PRDM2: variants seen among roughly 807,000 people sequenced by gnomAD.
PRDM2 encodes PR/SET domain 2.
A neutral mutation model predicts 130.0 loss-of-function variants in PRDM2; 30 were observed. The observed-to-expected ratio is 0.23, with a 90% CI of 0.17 to 0.31. The LOEUF (loss-of-function observed/expected upper bound fraction) is 0.31, where lower values mean the gene tolerates loss of function less well. Among genes scored for constraint, PRDM2 ranks in the 10% least tolerant of loss-of-function variants. The probability of loss-of-function intolerance (pLI) is 1.00; values close to 1 mark genes in which losing one functional copy is unlikely to be tolerated. For synonymous variants in PRDM2, 871 were observed against 782.4 expected, an observed-to-expected ratio of 1.11 and a Z score of -1.89; for missense variants, 2,011 against 2,108.4, an observed-to-expected ratio of 0.95 and a Z score of 0.90.
At chr1:13,745,208 C>T (rs1005793665) in intron 5 of PRDM2, among the ~76,000 whole-genome samples, 2 of 151,964 alleles carry the variant, frequency 1.3e-5, no homozygotes, top group Non-Finnish European at 2.9e-5. Context: ...TTTCTGGTAG[C>T]GATCAGTGTG....
chr1:13,799,080 A>C (rs1644966644), intron 8 of PRDM2, among the ~76,000 whole-genome samples: 1 of 152,192 alleles, frequency 6.6e-6, no homozygotes, highest in East Asian at 1.9e-4. Context: ...AGGCAAACAC[A>C]GAGGTCTCCG....
intron 6 of PRDM2, among the ~76,000 whole-genome samples, chr1:13,756,401 C>T (rs1643954724): frequency 6.6e-6 from 1 of 152,054 alleles, no homozygotes. Context: ...TGGCATGGTA[C>T]TTTGTTGGCA....
At chr1:13,743,364 C>T (rs1261159316) in intron 5 of PRDM2, among the ~76,000 whole-genome samples, 2 of 136,406 alleles carry the variant, frequency 1.5e-5, no homozygotes, top group Non-Finnish European at 3.0e-5. Flanking sequence ...CACACCACTG[C>T]ACTCCAGCCT....
rs994812649 is a variant in PRDM2 at position 13,803,863 on chromosome 1, C to G, written c.5037-12564C>G. On this transcript the variant is annotated intron_variant, in intron 8 of 9. Transcript: ENST00000311066. This position sits in a 1 kb window ranked among gnomAD's most constrained non-coding sequence, Gnocchi z 6.2. ...TCATGGCCTCTGAGGACCTCAGAACCTGGCTTAGAAGCTCCACAAAGCAGG... is the reference window on the plus strand; with the variant it reads ...TCATGGCCTCTGAGGACCTCAGAACGTGGCTTAGAAGCTCCACAAAGCAGG... Among the ~76,000 whole-genome samples, 1 of 152,144 alleles carries G rather than the reference C, an allele frequency of 6.6e-6. No individual in the cohort carries two copies. Among genetic ancestry groups the G allele is most frequent in the African/African-American group, 2.4e-5 (1 of 41,436 alleles).
At chr1:13,804,877 C>G (rs993848051) in intron 8 of PRDM2, among the ~76,000 whole-genome samples, 3 of 152,160 alleles carry the variant, frequency 2.0e-5, no homozygotes, top group African/African-American at 7.2e-5. Flanking sequence ...AATGCAGCTG[C>G]TCTATGGGCA....
At position 13,781,878 on chromosome 1, in the gene PRDM2, G is replaced by A. The variant is rs998965728; in HGVS notation, c.4083G>A (p.Lys1361=). 1.2e-6 allele frequency: 2 copies of A among 1,614,180 alleles called. No homozygotes were observed. The highest frequency in any genetic ancestry group is 2.7e-5 in the African/African-American group (2 of 75,036). ...HILACASASD[K]KRYTPKKNPV... Reference sequence around the variant, plus strand: ...TGGCTTGTGCTTCTGCAAGTGACAAGAAGAGGTACACGCCTAAGAAAAACC... The same window carrying A: ...TGGCTTGTGCTTCTGCAAGTGACAAAAAGAGGTACACGCCTAAGAAAAACC... The change falls in exon 8 of 10, where the codon AAG becomes AAA. Residue 1361 remains lysine (K), a synonymous_variant. Coordinates refer to ENST00000311066, the MANE Select transcript of PRDM2 (RefSeq NM_001393986.1). The surrounding 1 kb of genome is among the most constrained non-coding windows in gnomAD (Gnocchi z 6.1).
intron 6 of PRDM2, among the ~76,000 whole-genome samples, chr1:13,758,722 T>G (rs1290725661): frequency 6.6e-6 from 1 of 152,244 alleles, no homozygotes; most frequent in African/African-American, 2.4e-5. Flanking sequence ...TGTAGCTGCT[T>G]GCTATTCCTG....
chr1:13,767,679 T>TA (rs1644260874), intron 6 of PRDM2, among the ~76,000 whole-genome samples: 1 of 152,028 alleles, frequency 6.6e-6, no homozygotes, highest in African/African-American at 2.4e-5. Context: ...GAGTGCTTTG[T>TA]AAAGTAAGGT....
chr1:13,753,011 G>A (rs982730739), intron 6 of PRDM2, among the ~76,000 whole-genome samples: 9 of 152,148 alleles, frequency 5.9e-5, no homozygotes, highest in African/African-American at 2.2e-4. Context: ...TGCTACTTGC[G>A]GAGGAACTAC....
chr1:13,721,236 C>G (rs1051649318), intron 2 of PRDM2, among the ~76,000 whole-genome samples: 18 of 152,182 alleles, frequency 1.2e-4, no homozygotes, highest in Admixed American at 7.2e-4. Context: ...ACCATCTGAC[C>G]ATGTAGATAT....
At chr1:13,791,498 C>T (rs1570056715) in intron 8 of PRDM2, among the ~76,000 whole-genome samples, 1 of 152,154 alleles carries the variant, frequency 6.6e-6, no homozygotes, top group African/African-American at 2.4e-5. Context: ...CCTCAGATAC[C>T]GGCGGAGAAC....
intron 1 of PRDM2, among the ~76,000 whole-genome samples, chr1:13,704,248 T>C (rs1185397983): frequency 6.6e-6 from 1 of 152,222 alleles, no homozygotes; most frequent in Non-Finnish European, 1.5e-5. Flanking sequence ...TAAATATTCT[T>C]TCTTAAAGAG....
chr1:13,703,971 T>C (rs1642136986), intron 1 of PRDM2, among the ~76,000 whole-genome samples: 1 of 152,242 alleles, frequency 6.6e-6, no homozygotes, highest in African/African-American at 2.4e-5. Context: ...TTAAAGATAG[T>C]TCATTGATCT....
At chr1:13,818,088 T>G (rs550199051) in intron 9 of PRDM2, among the ~76,000 whole-genome samples, 1 of 152,196 alleles carries the variant, frequency 6.6e-6, no homozygotes, top group African/African-American at 2.4e-5. Flanking sequence ...CAGCCCTGCT[T>G]GTATTGGTGG....
In PRDM2 at chr1:13,746,416, C is replaced by T. The variant is rs181363762; in HGVS notation, c.385-2945C>T. Among the ~76,000 whole-genome samples the T allele has an allele frequency of 4.6e-3, 692 of 151,838 alleles. 8 individuals are homozygous for T. The highest frequency in any genetic ancestry group is 0.016 in the African/African-American group (655 of 41,496). ...AAAAAATACTATTATTTTTCCTCTT[C>T]ATAGGGTCTATTGGTGTAGCTGTTT... On this transcript the variant is annotated intron_variant, in intron 5 of 9. Transcript: ENST00000311066.
intron 2 of PRDM2, among the ~76,000 whole-genome samples, chr1:13,724,023 A>G (rs1642824217): frequency 6.6e-6 from 1 of 152,202 alleles, no homozygotes; most frequent in Non-Finnish European, 1.5e-5. Context: ...GTGTTGTAAC[A>G]GAGCCATAGG....
At chr1:13,815,090 A>C (rs906497597) in intron 8 of PRDM2, among the ~76,000 whole-genome samples, 12 of 152,102 alleles carry the variant, frequency 7.9e-5, no homozygotes, top group Non-Finnish European at 1.6e-4. Context: ...ACTCTTACTC[A>C]GTGGATGTTT....
intron 2 of PRDM2, among the ~76,000 whole-genome samples, chr1:13,729,030 G>C (rs550614498): frequency 6.6e-5 from 10 of 152,228 alleles, no homozygotes; most frequent in Non-Finnish European, 1.2e-4. Flanking sequence ...ATAGGCACTC[G>C]AATCAGACAG....
At chr1:13,727,186 G>C (rs1201944162) in intron 2 of PRDM2, among the ~76,000 whole-genome samples, 2 of 151,990 alleles carry the variant, frequency 1.3e-5, no homozygotes, top group East Asian at 3.9e-4. Context: ...CCCCAATATT[G>C]TCACAGATTC....
Sources: allele counts gnomAD v4.1 joint callset (sites outside exome capture counted in the v4.1 genomes callset), GRCh38; gene constraint gnomAD v4.1.1; non-coding constraint Gnocchi (gnomAD v3.1); transcripts MANE v1.5; gene names NCBI Gene and HGNC (gene_info 2026-07-23, HGNC 2026-07-21).